CAPZA2: variants seen among roughly 807,000 people sequenced by gnomAD.
CAPZA2 encodes the protein capping actin protein of muscle Z-line subunit alpha 2, also known as F-actin-capping protein subunit alpha-2.
CAPZA2 carries 13 observed loss-of-function variants against 44.0 expected under a neutral mutation model. That is an observed-to-expected ratio of 0.30 (90% CI 0.19 to 0.47). The LOEUF is 0.47. CAPZA2 is among the 20% of genes least tolerant of loss of function. The probability of loss-of-function intolerance (pLI) is 1.00; values close to 1 mark genes in which losing one functional copy is unlikely to be tolerated. For missense variants in CAPZA2, 244 were observed against 338.6 expected (o/e 0.72, Z 2.19); for synonymous variants, 94 against 108.2 (o/e 0.87, Z 0.81).
intron 8 of CAPZA2, among the ~76,000 whole-genome samples, chr7:116,913,314 TA>T (rs1406435898): frequency 6.6e-6 from 1 of 152,184 alleles, no homozygotes; most frequent in African/African-American, 2.4e-5. Flanking sequence ...TTTGAAATAT[TA>T]ATAGAAACCA....
chr7:116,879,964 A>G, intron 1 of CAPZA2: 1 of 371,054 alleles, frequency 2.7e-6, no homozygotes, highest in South Asian at 2.1e-5. Context: ...TTATTCAGCT[A>G]ATATTTGAGG....
intron 1 of CAPZA2, among the ~76,000 whole-genome samples, chr7:116,877,061 T>C (rs1177457289): frequency 6.6e-6 from 1 of 152,204 alleles, no homozygotes; most frequent in African/African-American, 2.4e-5. Flanking sequence ...ATTGTTTGGC[T>C]AGGGGACCTT....
At chr7:116,863,387 G>A (rs1796443000) in intron 1 of CAPZA2, among the ~76,000 whole-genome samples, 1 of 152,196 alleles carries the variant, frequency 6.6e-6, no homozygotes. Context: ...CCCCCCCGGG[G>A]GTCGATTTGG....
At chr7:116,910,910 G>T (rs545717486) in intron 7 of CAPZA2, among the ~76,000 whole-genome samples, 108 of 144,278 alleles carry the variant, frequency 7.5e-4, no homozygotes, top group African/African-American at 2.3e-3. Flanking sequence ...AGAATCGCTT[G>T]AACCCGGGAG....
intron 7 of CAPZA2, among the ~76,000 whole-genome samples, chr7:116,910,990 CAAA>C (rs57772383): frequency 5.9e-5 from 3 of 50,602 alleles, no homozygotes; most frequent in Non-Finnish European, 8.0e-5. Flanking sequence ...GACTCCGTCT[CAAA>C]AAAAAAAAAA....
chr7:116,863,019 G>A (rs1796438174), intron 1 of CAPZA2, among the ~76,000 whole-genome samples: 1 of 152,110 alleles, frequency 6.6e-6, no homozygotes, highest in African/African-American at 2.4e-5. Context: ...GGGGACCAGG[G>A]ACGCAAAGGG....
intron 2 of CAPZA2, among the ~76,000 whole-genome samples, chr7:116,891,763 G>A (rs746810687): frequency 9.2e-5 from 14 of 151,932 alleles, no homozygotes; most frequent in Non-Finnish European, 1.8e-4. Context: ...CACCCTCTTC[G>A]GCCTCCCAAA....
chr7:116,892,684 T>G (rs934904011), intron 2 of CAPZA2, among the ~76,000 whole-genome samples: 1 of 152,092 alleles, frequency 6.6e-6, no homozygotes, highest in Non-Finnish European at 1.5e-5. Context: ...TACAAATTTG[T>G]GTTGGATTGC....
intron 6 of CAPZA2, among the ~76,000 whole-genome samples, chr7:116,909,396 CCA>C (rs1424763814): frequency 6.6e-6 from 1 of 152,058 alleles, no homozygotes; most frequent in African/African-American, 2.4e-5. Context: ...AACTACTCAT[CCA>C]GAATTTTGTC....
chr7:116,877,365 C>T (rs1019320040), intron 1 of CAPZA2, among the ~76,000 whole-genome samples: 2 of 152,132 alleles, frequency 1.3e-5, no homozygotes, highest in Non-Finnish European at 2.9e-5. Flanking sequence ...AGTTTCACCA[C>T]AGTAGATAAA....
intron 4 of CAPZA2, among the ~76,000 whole-genome samples, chr7:116,903,251 T>A (rs1241078531): frequency 6.6e-6 from 1 of 151,864 alleles, no homozygotes; most frequent in African/African-American, 2.4e-5. Flanking sequence ...TGTGTGTGTG[T>A]GTGTGTGTGT....
intron 8 of CAPZA2, among the ~76,000 whole-genome samples, chr7:116,912,914 A>G (rs1244169239): frequency 1.3e-5 from 2 of 152,220 alleles, no homozygotes; most frequent in African/African-American, 4.8e-5. Context: ...CCAGCAGTGT[A>G]TAAGAGTTTC....
At position 116,914,432 on chromosome 7, in the gene CAPZA2, TACACAC is replaced by T. The variant is rs71148345; in HGVS notation, c.658-1595_658-1590del. Among the ~76,000 whole-genome samples the T allele has an allele frequency of 6.9e-3, 1,001 of 145,224 alleles. 14 individuals are homozygous for T. Among genetic ancestry groups the T allele is most frequent in the South Asian group, 0.045 (199 of 4,452 alleles). On this transcript the variant is annotated intron_variant, in intron 8 of 9. Coordinates refer to ENST00000361183, the MANE Select transcript of CAPZA2 (RefSeq NM_006136.3). ...TAAGCTATATTTACATATACATACA[TACACAC>T]ACACACACACACACACACACACACA...
At chr7:116,891,080 C>G (rs1189468282) in intron 2 of CAPZA2, among the ~76,000 whole-genome samples, 1 of 152,192 alleles carries the variant, frequency 6.6e-6, no homozygotes. Flanking sequence ...ACATTCCTTA[C>G]ATCTCCTGTC....
At chr7:116,870,517 G>C (rs912418610) in intron 1 of CAPZA2, among the ~76,000 whole-genome samples, 4 of 152,188 alleles carry the variant, frequency 2.6e-5, no homozygotes, top group Non-Finnish European at 2.9e-5. Context: ...GACAGTTTGG[G>C]CCAGATATTG....
rs1585017435 is a variant in CAPZA2, at chr7:116,918,260, A to G, written c.*393A>G. ...CCAGTTCTTTTTAATGGGGTCAATA[A>G]TGGACATTCTAGTTTAAGGTGGTTG... On this transcript the variant is annotated 3_prime_UTR_variant, in exon 10 of 10. Coordinates refer to ENST00000361183, the MANE Select transcript of CAPZA2 (RefSeq NM_006136.3). 1 of 171,734 alleles carries G rather than the reference A, an allele frequency of 5.8e-6. No individual in the cohort carries two copies. Among genetic ancestry groups the G allele is most frequent in the East Asian group, 1.5e-4 (1 of 6,732 alleles). 10.6% of individuals were successfully genotyped at this position (171,734 alleles called of 1,614,324 possible).
intron 1 of CAPZA2, among the ~76,000 whole-genome samples, chr7:116,882,465 AATT>A (rs1015074981): frequency 3.9e-5 from 6 of 152,076 alleles, no homozygotes; most frequent in African/African-American, 4.8e-5. Flanking sequence ...TTGCTTGAAG[AATT>A]ATTATTATTA....
chr7:116,901,995 AGTT>A (rs1478968689), intron 4 of CAPZA2, among the ~76,000 whole-genome samples: 1 of 151,834 alleles, frequency 6.6e-6, no homozygotes, highest in African/African-American at 2.4e-5. Flanking sequence ...AGATAGTACA[AGTT>A]GTTTTACAGC....
intron 4 of CAPZA2, among the ~76,000 whole-genome samples, chr7:116,901,867 G>C (rs1421378237): frequency 7.2e-6 from 1 of 138,482 alleles, no homozygotes; most frequent in Non-Finnish European, 1.5e-5. Flanking sequence ...AAACATGCTT[G>C]AAATAACGAA....
Sources: gnomAD v4.1 joint callset for allele counts (sites outside exome capture counted in the v4.1 genomes callset) on GRCh38, gnomAD v4.1.1 for gene constraint, MANE v1.5 for transcripts, NCBI Gene and HGNC (gene_info 2026-07-23, HGNC 2026-07-21) for gene names.